Variants in GUCA1C observed in about 807,000 individuals in gnomAD.
GUCA1C encodes guanylate cyclase activator 1C.
GUCA1C carries 15 observed loss-of-function variants against 16.2 expected under a neutral mutation model. The ratio of observed to expected loss-of-function variants is 0.93; its 90% CI spans 0.62 to 1.43. The LOEUF (loss-of-function observed/expected upper bound fraction) is 1.43. GUCA1C is among the 40% of genes most tolerant of loss of function. GUCA1C has a pLI of 0.00. For synonymous variants in GUCA1C, 78 were observed against 85.4 expected, an observed-to-expected ratio of 0.91 and a Z score of 0.48; for missense variants, 275 against 244.8, an observed-to-expected ratio of 1.12 and a Z score of -0.82.
rs200656549 is a variant in GUCA1C, at chr3:108,922,504, G to GT, written c.205-1920dup. ...CTCTGCATCCACACCAACATTTGTT[G>GT]TTTTTTTTATTTTTTGATTATGGCC... On this transcript the variant is annotated intron_variant, in intron 1 of 3. Transcript: ENST00000261047. 2.8e-3 allele frequency among the ~76,000 whole-genome samples: 421 copies of GT among 151,802 alleles called. 2 individuals are homozygous for GT. The highest frequency in any genetic ancestry group is 7.9e-3 in the African/African-American group (327 of 41,422).
intron 1 of GUCA1C, among the ~76,000 whole-genome samples, chr3:108,947,170 G>A (rs749786538): frequency 2.0e-5 from 3 of 152,110 alleles, no homozygotes; most frequent in Non-Finnish European, 4.4e-5. Context: ...TTAACACACT[G>A]TTTCTATGTT....
Position 108,953,793 on chromosome 3 carries a change from G to A in GUCA1C, c.-31C>T. 1.3e-6 allele frequency: 2 copies of A among 1,542,976 alleles called. No homozygotes were observed. The highest frequency in any genetic ancestry group is 1.8e-6 in the Non-Finnish European group (2 of 1,115,718). On this transcript the variant is annotated 5_prime_UTR_variant, in exon 1 of 4. Coordinates refer to ENST00000261047, the MANE Select transcript of GUCA1C (RefSeq NM_005459.4). ...CTCACAGTCTACAGCTTTTCCTCAG[G>A]TTGTTTTCACTTAAGTTTTTGCTGG...
intron 1 of GUCA1C, among the ~76,000 whole-genome samples, chr3:108,937,927 G>A (rs755549805): frequency 3.3e-5 from 5 of 151,966 alleles, no homozygotes; most frequent in Non-Finnish European, 5.9e-5. Context: ...AAAACTTAGC[G>A]GGGCGTGGTG....
chr3:108,927,656 T>C (rs1946634609), intron 1 of GUCA1C, among the ~76,000 whole-genome samples: 1 of 152,220 alleles, frequency 6.6e-6, no homozygotes, highest in Non-Finnish European at 1.5e-5. Flanking sequence ...CCTGTATCTT[T>C]AAGTTGGTCT....
chr3:108,949,531 A>C (rs1185263359), intron 1 of GUCA1C, among the ~76,000 whole-genome samples: 1 of 152,208 alleles, frequency 6.6e-6, no homozygotes, highest in African/African-American at 2.4e-5. Flanking sequence ...CCCAGGCAGC[A>C]TGGACTCAGG....
At chr3:108,944,838 A>G (rs1347889506) in intron 1 of GUCA1C, among the ~76,000 whole-genome samples, 1 of 152,258 alleles carries the variant, frequency 6.6e-6, no homozygotes, top group East Asian at 1.9e-4. Context: ...GAGGGGGTCA[A>G]TAATCCTCTT....
chr3:108,924,738 T>C (rs918042917), intron 1 of GUCA1C, among the ~76,000 whole-genome samples: 2 of 152,196 alleles, frequency 1.3e-5, no homozygotes, highest in African/African-American at 4.8e-5. Context: ...TTTGACTGTC[T>C]AATATAATTC....
At chr3:108,951,878 T>G (rs1047342296) in intron 1 of GUCA1C, among the ~76,000 whole-genome samples, 1 of 152,186 alleles carries the variant, frequency 6.6e-6, no homozygotes, top group African/African-American at 2.4e-5. Flanking sequence ...CCTGCTTCCT[T>G]GACAGTGGGC....
At chr3:108,939,323 G>GTTTTTT (rs1491279760) in intron 1 of GUCA1C, among the ~76,000 whole-genome samples, 2 of 33,224 alleles carry the variant, frequency 6.0e-5, no homozygotes, top group Non-Finnish European at 1.6e-4. Context: ...TTGCTTCAAG[G>GTTTTTT]CTTTTTTTTT....
At chr3:108,942,478 T>C (rs1946796713) in intron 1 of GUCA1C, among the ~76,000 whole-genome samples, 1 of 152,192 alleles carries the variant, frequency 6.6e-6, no homozygotes, top group Non-Finnish European at 1.5e-5. Context: ...CTCACCTAGG[T>C]TATAAATTAT....
intron 2 of GUCA1C, among the ~76,000 whole-genome samples, chr3:108,920,066 T>C (rs1198845410): frequency 2.6e-5 from 4 of 152,200 alleles, no homozygotes; most frequent in African/African-American, 7.2e-5. Context: ...CATACCTTCA[T>C]TCTTAGTCCA....
chr3:108,910,628 A>T (rs1473142118), intron 3 of GUCA1C, among the ~76,000 whole-genome samples: 1 of 152,164 alleles, frequency 6.6e-6, no homozygotes, highest in East Asian at 1.9e-4. Context: ...TTATATATAC[A>T]GACACATTTC....
intron 1 of GUCA1C, among the ~76,000 whole-genome samples, chr3:108,924,838 T>A (rs1049913124): frequency 6.6e-6 from 1 of 152,218 alleles, no homozygotes; most frequent in African/African-American, 2.4e-5. Context: ...AGATTCAATA[T>A]CTTCCTGATT....
At chr3:108,931,121 C>A (rs779923668) in intron 1 of GUCA1C, among the ~76,000 whole-genome samples, 1 of 152,146 alleles carries the variant, frequency 6.6e-6, no homozygotes, top group Non-Finnish European at 1.5e-5. Flanking sequence ...ATCCTCCCTG[C>A]AAGCCTGGCT....
At chr3:108,934,462 T>A (rs1256741365) in intron 1 of GUCA1C, among the ~76,000 whole-genome samples, 5 of 152,184 alleles carry the variant, frequency 3.3e-5, no homozygotes, top group Admixed American at 6.5e-5. Flanking sequence ...TTTGGAGATT[T>A]CTCAAACCAC....
At chr3:108,946,054 G>A (rs1946841169) in intron 1 of GUCA1C, among the ~76,000 whole-genome samples, 3 of 152,164 alleles carry the variant, frequency 2.0e-5, no homozygotes, top group Admixed American at 2.0e-4. Context: ...GCTAATGAAG[G>A]ATTCGCCAGC....
chr3:108,954,365 A>G (rs548098469), upstream of GUCA1C, among the ~76,000 whole-genome samples: 97 of 152,342 alleles, frequency 6.4e-4, no homozygotes, highest in Non-Finnish European at 1.1e-3. Context: ...ATTAAATAGT[A>G]GTAAGAAGAA....
At chr3:108,915,257 AT>A (rs67014539) in intron 3 of GUCA1C, among the ~76,000 whole-genome samples, 14,659 of 152,256 alleles carry the variant, frequency 0.096, 727 homozygotes, top group Middle Eastern at 0.15. Flanking sequence ...GGGCAGGTTG[AT>A]GCCTTTGGAA....
chr3:108,920,485 G>T lies in GUCA1C; in HGVS notation c.305C>A (p.Ala102Asp), dbSNP rs773413885. ...TTTGTCAATAGAACCATTTCCATCA[G>T]CATCATACAGCTTAAAATACCATTT... ...KLKWYFKLYDADGNGSIDKNE... is the reference protein window; with the variant it reads ...KLKWYFKLYDDDGNGSIDKNE... Residue 102 changes from alanine (A) to aspartate (D), a missense_variant, in exon 2 of 4, where the codon GCT becomes GAT. Physicochemically the swap from Ala to Asp is moderately radical, Grantham distance 126 (BLOSUM62 -2). Coordinates refer to ENST00000261047, the MANE Select transcript of GUCA1C (RefSeq NM_005459.4). The T allele has an allele frequency of 1.2e-6, 2 of 1,603,090 alleles. No homozygotes were observed. The highest frequency in any genetic ancestry group is 1.1e-5 in the South Asian group (1 of 90,798).
Sources: allele counts gnomAD v4.1 joint callset (sites outside exome capture counted in the v4.1 genomes callset), GRCh38; gene constraint gnomAD v4.1.1; transcripts MANE v1.5; gene names NCBI Gene and HGNC (gene_info 2026-07-23, HGNC 2026-07-21).